SMIM7: variants seen among roughly 807,000 people sequenced by gnomAD.
SMIM7 encodes the protein small integral membrane protein 7, also known as UPF0608 protein C19orf42.
A neutral mutation model predicts 13.3 loss-of-function variants in SMIM7; 12 were observed. That is an observed-to-expected ratio of 0.90 (90% CI 0.58 to 1.46). SMIM7 has a LOEUF of 1.46. Among genes scored for constraint, SMIM7 ranks in the 40% most tolerant of loss-of-function variants. SMIM7 has a pLI of 0.00. For synonymous variants in SMIM7, 36 were observed against 35.8 expected (o/e 1.01, Z -0.02); for missense variants, 114 against 94.8 (o/e 1.20, Z -0.84).
chr19:16,648,543 T>C (rs2086478686), intron 4 of SMIM7, among the ~76,000 whole-genome samples: 3 of 152,150 alleles, frequency 2.0e-5, no homozygotes, highest in Admixed American at 2.0e-4. Flanking sequence ...CACGTGATAA[T>C]GGACTGATAA....
At chr19:16,645,316 T>C (rs1417513966), downstream of SMIM7, 3 of 152,196 alleles carry the variant, frequency 2.0e-5, no homozygotes, top group East Asian at 1.9e-4. Context: ...CCTCGCCTCA[T>C]TGAGACCTCC....
intron 3 of SMIM7, among the ~76,000 whole-genome samples, chr19:16,654,538 AAT>A: frequency 6.6e-6 from 1 of 152,254 alleles, no homozygotes; most frequent in South Asian, 2.1e-4. Flanking sequence ...CCTATGAGCT[AAT>A]AGTTTTTACT....
chr19:16,658,848 G>A (rs2086629578), intron 3 of SMIM7, among the ~76,000 whole-genome samples: 2 of 152,196 alleles, frequency 1.3e-5, no homozygotes, highest in East Asian at 1.9e-4. Flanking sequence ...ACATTAGCCA[G>A]ATGACAGCAA....
intron 4 of SMIM7, among the ~76,000 whole-genome samples, chr19:16,649,558 G>A (rs2086492622): frequency 6.6e-6 from 1 of 152,126 alleles, no homozygotes; most frequent in African/African-American, 2.4e-5. Context: ...TGGCAACAGA[G>A]CGAGACTCTG....
chr19:16,639,953 G>GTTT, intron 4 of SMIM7: 1 of 142,132 alleles, frequency 7.0e-6, no homozygotes, highest in Non-Finnish European at 1.6e-5. Context: ...TCGGTTTTTT[G>GTTT]TTTTTTTTTT....
At chr19:16,653,925 C>G (rs971047158) in intron 4 of SMIM7, 110 bp downstream of exon 4, 1 of 843,310 alleles carries the variant, frequency 1.2e-6, no homozygotes, top group Non-Finnish European at 1.8e-6. Flanking sequence ...AAAACAGAAA[C>G]CAGGATACAA....
At chr19:16,648,769 G>T (rs943033544) in intron 4 of SMIM7, among the ~76,000 whole-genome samples, 1 of 152,116 alleles carries the variant, frequency 6.6e-6, no homozygotes, top group Non-Finnish European at 1.5e-5. Flanking sequence ...CACTTTAGGA[G>T]GCTGAGGTGG....
chr19:16,652,835 C>T (rs1277928767), intron 4 of SMIM7: 1 of 1,549,674 alleles, frequency 6.5e-7, no homozygotes, highest in Admixed American at 2.0e-5. Context: ...AGGCCAAGAA[C>T]ACCAGATTCT....
intron 2 of SMIM7, 48 bp from the exon 3 acceptor site, chr19:16,659,495 C>T (rs1339373089): frequency 6.3e-7 from 1 of 1,577,470 alleles, no homozygotes; most frequent in South Asian, 1.1e-5. Context: ...ACATAGAGTC[C>T]TCAGCCCCCT....
In SMIM7 at chr19:16,660,137, C is replaced by T. The variant is rs781768063; in HGVS notation, c.-27G>A. The T allele has an allele frequency of 9.9e-6, 16 of 1,613,872 alleles. No individual in the cohort carries two copies. The Admixed American group carries it at 2.7e-4, about 27-fold the overall frequency. On this transcript the variant is annotated 5_prime_UTR_variant, in exon 1 of 5. Coordinates refer to ENST00000487416, the MANE Select transcript of SMIM7 (RefSeq NM_024104.4). ...GTTACGGCCGAAGCGTCCGTCAGAACCGGAAGCGGAAGCCCCAGGGAGGGA... is the reference window on the plus strand; with the variant it reads ...GTTACGGCCGAAGCGTCCGTCAGAATCGGAAGCGGAAGCCCCAGGGAGGGA...
intron 4 of SMIM7, among the ~76,000 whole-genome samples, chr19:16,647,508 TAC>T (rs2086465254): frequency 6.7e-6 from 1 of 149,140 alleles, no homozygotes; most frequent in Non-Finnish European, 1.5e-5. Context: ...CAGGCTGGAG[TAC>T]AGTGGTGCGA....
intron 4 of SMIM7, among the ~76,000 whole-genome samples, chr19:16,632,454 T>C (rs570050818): frequency 5.9e-4 from 90 of 151,808 alleles, no homozygotes; most frequent in Non-Finnish European, 1.1e-3. Context: ...TGGGAATTCA[T>C]GAATACAATA....
At chr19:16,644,160 G>A (rs184930398), downstream of SMIM7, among the ~76,000 whole-genome samples, 3 of 127,654 alleles carry the variant, frequency 2.4e-5, no homozygotes, top group East Asian at 2.3e-4. Flanking sequence ...TTTGCTCGTC[G>A]CCTAGGCTGG....
At chr19:16,659,112 A>G (rs1411313753) in intron 3 of SMIM7, 1 of 472,528 alleles carries the variant, frequency 2.1e-6, no homozygotes, top group East Asian at 4.1e-5. Flanking sequence ...GAGAAACCCC[A>G]TCTCTACAAA....
chr19:16,660,006 G>T lies in SMIM7; in HGVS notation c.27-6C>A. 6.2e-7 allele frequency: 1 copy of T among 1,614,060 alleles called. No individual in the cohort carries two copies. Among genetic ancestry groups the T allele is most frequent in the Non-Finnish European group, 8.5e-7 (1 of 1,180,008 alleles). Reference sequence around the variant, plus strand: ...CGGCATTCATCAGCAACGTCCTGCAGAGGGAGAATTACAGTTACTAGGGGC... The same window carrying T: ...CGGCATTCATCAGCAACGTCCTGCATAGGGAGAATTACAGTTACTAGGGGC... On this transcript the variant is annotated splice_polypyrimidine_tract_variant and splice_region_variant and intron_variant, in intron 1 of 4. Transcript: ENST00000487416.
intron 2 of SMIM7, 109 bp downstream of exon 2, chr19:16,659,850 G>A (rs1299241675): frequency 7.0e-7 from 1 of 1,433,676 alleles, no homozygotes. Context: ...GGATAGGGCG[G>A]GGCCTGCGGC....
chr19:16,634,135 T>A (rs1448288791), intron 4 of SMIM7: 1 of 152,194 alleles, frequency 6.6e-6, no homozygotes, highest in African/African-American at 2.4e-5. Flanking sequence ...TAGATTCAGA[T>A]ATAGGTCCCA....
intron 4 of SMIM7, among the ~76,000 whole-genome samples, chr19:16,653,422 A>T (rs2086554151): frequency 6.6e-6 from 1 of 152,104 alleles, no homozygotes. Flanking sequence ...GTCTCTTGTA[A>T]AAATACAAAA....
chr19:16,659,748 G>A (rs2086648095), intron 2 of SMIM7: 5 of 686,992 alleles, frequency 7.3e-6, no homozygotes, highest in South Asian at 1.8e-5. Context: ...GTGAACAGAG[G>A]GACAACCAAG....
Sources: allele counts gnomAD v4.1 joint callset (sites outside exome capture counted in the v4.1 genomes callset), GRCh38; gene constraint gnomAD v4.1.1; transcripts MANE v1.5; gene names NCBI Gene and HGNC (gene_info 2026-07-23, HGNC 2026-07-21).